The following MYO1D variants were observed in gnomAD, a reference collection of about 807,000 sequenced individuals.
MYO1D encodes unconventional myosin-Id.
MYO1D carries 83 observed loss-of-function variants against 122.0 expected under a neutral mutation model. The ratio of observed to expected loss-of-function variants is 0.68; its 90% CI spans 0.57 to 0.82. MYO1D has a LOEUF of 0.82. Among genes scored for constraint, MYO1D ranks in the 40% least tolerant of loss-of-function variants. MYO1D has a pLI of 0.00. For synonymous variants in MYO1D, 464 were observed against 446.9 expected, an observed-to-expected ratio of 1.04 and a Z score of -0.48; for missense variants, 1,157 against 1,269.5, an observed-to-expected ratio of 0.91 and a Z score of 1.35.
chr17:32,580,461 G>A (rs1393593820), intron 21 of MYO1D, among the ~76,000 whole-genome samples: 2 of 143,284 alleles, frequency 1.4e-5, no homozygotes, highest in African/African-American at 5.2e-5. Flanking sequence ...CCAGGCTGGA[G>A]TGCAGTGGTG....
intron 1 of MYO1D, among the ~76,000 whole-genome samples, chr17:32,800,870 C>T (rs183477148): frequency 4.6e-5 from 7 of 152,056 alleles, no homozygotes; most frequent in African/African-American, 1.4e-4. Flanking sequence ...ACAACACCAG[C>T]TAATCTAAAA....
chr17:32,688,920 AGTGTGTGTGT>A (rs3079901), intron 16 of MYO1D, among the ~76,000 whole-genome samples: 2 of 146,558 alleles, frequency 1.4e-5, no homozygotes, highest in South Asian at 2.2e-4. Context: ...TGATTTTTGA[AGTGTGTGTGT>A]GTGTGTGTGT....
At chr17:32,726,841 C>T (rs1001278841) in intron 14 of MYO1D, among the ~76,000 whole-genome samples, 1 of 151,642 alleles carries the variant, frequency 6.6e-6, no homozygotes, top group East Asian at 1.9e-4. Flanking sequence ...AAAATACATG[C>T]ATGTTATTTT....
chr17:32,575,485 C>T (rs2087270173), intron 21 of MYO1D, among the ~76,000 whole-genome samples: 1 of 152,112 alleles, frequency 6.6e-6, no homozygotes, highest in Non-Finnish European at 1.5e-5. Flanking sequence ...TAAAATTTTC[C>T]ATGTGGTGTG....
At chr17:32,834,750 C>A (rs909626251) in intron 1 of MYO1D, among the ~76,000 whole-genome samples, 11 of 152,184 alleles carry the variant, frequency 7.2e-5, no homozygotes, top group African/African-American at 2.4e-4. Context: ...ACGGTAGCTC[C>A]CACCTTTAAT....
At chr17:32,666,435 C>T (rs139492153) in intron 16 of MYO1D, among the ~76,000 whole-genome samples, 2 of 152,264 alleles carry the variant, frequency 1.3e-5, no homozygotes, top group African/African-American at 2.4e-5. Flanking sequence ...CTGCTCTTTT[C>T]GAGATGTTAA....
Position 32,504,711 on chromosome 17 carries a change from CT to C in MYO1D, c.2865-9797del, listed in dbSNP as rs1347869137. ...ATGACAATGATCCAGTCCGTGTCCC[CT>C]CTCTTAGCATGAGGTCCATGCATGT... is the stretch of plus-strand genomic sequence containing the variant. On this transcript the variant is annotated intron_variant, in intron 21 of 21. Transcript: ENST00000318217. The C allele has an allele frequency of 2.0e-5, 3 of 152,366 alleles. No homozygotes were observed. In the East Asian group the frequency reaches 5.8e-4, roughly 29 times the overall value. 9.4% of individuals were successfully genotyped at this position (152,366 alleles called of 1,614,324 possible).
chr17:32,834,609 AG>A (rs1218831233), intron 1 of MYO1D, among the ~76,000 whole-genome samples: 1 of 152,228 alleles, frequency 6.6e-6, no homozygotes, highest in African/African-American at 2.4e-5. Flanking sequence ...CTGCCACTTG[AG>A]AACTGCAGCA....
intron 1 of MYO1D, among the ~76,000 whole-genome samples, chr17:32,826,035 T>G (rs2090719430): frequency 3.4e-5 from 4 of 117,382 alleles, no homozygotes; most frequent in African/African-American, 6.7e-5. Flanking sequence ...GGTGATAGAG[T>G]GAAACTCCAT....
chr17:32,556,551 A>ATT (rs66782964), intron 21 of MYO1D, among the ~76,000 whole-genome samples: 6,364 of 139,586 alleles, frequency 0.046, 261 homozygotes, highest in East Asian at 0.25. Flanking sequence ...TATGGCCACA[A>ATT]TTTTTTTTTT....
intron 13 of MYO1D, among the ~76,000 whole-genome samples, chr17:32,740,233 G>A (rs1451396803): frequency 6.6e-6 from 1 of 152,052 alleles, no homozygotes; most frequent in Non-Finnish European, 1.5e-5. Context: ...TGAAAATTTC[G>A]ACACATGTTA....
rs1567636764 is a variant in MYO1D, at chr17:32,776,021, T to C, written c.407A>G (p.Asn136Ser). The change falls in exon 4 of 22, where the codon AAT (asparagine) becomes AGT (serine). Residue 136 changes from asparagine to serine, a missense_variant. Transcript: ENST00000318217. The part of the protein sequence containing the change: ...SQRAEVERVK[N>S]MLLKSNCVLE... ...AACACAGTTGGACTTAAGCAACATATTCTTCACTCTTTAACACAGATAAAT... is the reference window on the plus strand; with the variant it reads ...AACACAGTTGGACTTAAGCAACATACTCTTCACTCTTTAACACAGATAAAT... 8 of 1,613,536 alleles carry C rather than the reference T, an allele frequency of 5.0e-6. No individual in the cohort carries two copies. The highest frequency in any genetic ancestry group is 6.8e-6 in the Non-Finnish European group (8 of 1,179,712).
At chr17:32,536,600 G>A (rs945169997) in intron 21 of MYO1D, among the ~76,000 whole-genome samples, 1 of 152,142 alleles carries the variant, frequency 6.6e-6, no homozygotes, top group Non-Finnish European at 1.5e-5. Flanking sequence ...TTTTCAAGTG[G>A]ATAATTCTAA....
At chr17:32,777,623 A>C (rs570217504) in intron 3 of MYO1D, among the ~76,000 whole-genome samples, 1 of 152,288 alleles carries the variant, frequency 6.6e-6, no homozygotes, top group Non-Finnish European at 1.5e-5. Flanking sequence ...GAGCAATAGC[A>C]CAGTATGGCA....
At chr17:32,674,208 TC>T (rs138306067) in intron 16 of MYO1D, among the ~76,000 whole-genome samples, 3,108 of 152,246 alleles carry the variant, frequency 0.02, 89 homozygotes, top group African/African-American at 0.066. Context: ...GGCAAGCATT[TC>T]CCACCAAGTA....
At chr17:32,514,231 CTT>C (rs1459527566) in intron 21 of MYO1D, among the ~76,000 whole-genome samples, 1 of 94,316 alleles carries the variant, frequency 1.1e-5, no homozygotes. Context: ...CAGAGCAAGA[CTT>C]TGTCTCAAAA....
chr17:32,806,878 G>A (rs1195313277), intron 1 of MYO1D, among the ~76,000 whole-genome samples: 1 of 152,156 alleles, frequency 6.6e-6, no homozygotes, highest in African/African-American at 2.4e-5. Flanking sequence ...GGAAAGGAGT[G>A]GTGCAGAGTC....
chr17:32,802,152 A>C (rs557296547), intron 1 of MYO1D, among the ~76,000 whole-genome samples: 1 of 152,318 alleles, frequency 6.6e-6, no homozygotes, highest in Admixed American at 6.5e-5. Flanking sequence ...CAAATGAACA[A>C]ACAGCTCAAG....
chr17:32,859,123 G>A (rs569321017), intron 1 of MYO1D, among the ~76,000 whole-genome samples: 1 of 152,292 alleles, frequency 6.6e-6, no homozygotes, highest in East Asian at 1.9e-4. Context: ...GGACAGAGAT[G>A]GGGAATACAT....
Sources: gnomAD v4.1 joint callset for allele counts (sites outside exome capture counted in the v4.1 genomes callset) on GRCh38, gnomAD v4.1.1 for gene constraint, MANE v1.5 for transcripts, NCBI Gene and HGNC (gene_info 2026-07-23, HGNC 2026-07-21) for gene names.